TRERF1: variants seen among roughly 807,000 people sequenced by gnomAD.
TRERF1 encodes the protein transcriptional regulating factor 1, also known as transcriptional-regulating factor 1.
A neutral mutation model predicts 122.9 loss-of-function variants in TRERF1; 27 were observed. That is an observed-to-expected ratio of 0.22 (90% CI 0.16 to 0.30). The LOEUF (loss-of-function observed/expected upper bound fraction) is 0.30. Ranked by LOEUF, TRERF1 falls within the 10% of genes least tolerant of loss-of-function variation. The probability of loss-of-function intolerance (pLI) is 1.00; values close to 1 mark genes in which losing one functional copy is unlikely to be tolerated. For missense variants in TRERF1, 1,248 were observed against 1,560.3 expected (o/e 0.80, Z 3.37); for synonymous variants, 636 against 641.7 (o/e 0.99, Z 0.13).
At chr6:42,358,536 C>T (rs373375148) in intron 3 of TRERF1, among the ~76,000 whole-genome samples, 2 of 152,186 alleles carry the variant, frequency 1.3e-5, no homozygotes, top group African/African-American at 4.8e-5. Context: ...CGGGGCAGTG[C>T]CCACCCTCCC....
chr6:42,349,665 A>G (rs1769021989), intron 3 of TRERF1, among the ~76,000 whole-genome samples: 1 of 152,140 alleles, frequency 6.6e-6, no homozygotes, highest in Non-Finnish European at 1.5e-5. Context: ...TTTGCTTCCT[A>G]TCTTCTAAGA....
chr6:42,375,901 TG>T (rs1377545395), intron 2 of TRERF1, among the ~76,000 whole-genome samples: 2 of 152,054 alleles, frequency 1.3e-5, no homozygotes, highest in Admixed American at 1.3e-4. Context: ...TTGTCTCAAA[TG>T]GGGCCCCCTT....
chr6:42,321,948 TAG>T (rs1763532397), intron 3 of TRERF1, among the ~76,000 whole-genome samples: 1 of 152,206 alleles, frequency 6.6e-6, no homozygotes, highest in Non-Finnish European at 1.5e-5. Context: ...GATCAACCTG[TAG>T]ATAAAGCATA....
At chr6:42,233,715 G>A (rs1293937878) in intron 16 of TRERF1, among the ~76,000 whole-genome samples, 1 of 152,140 alleles carries the variant, frequency 6.6e-6, no homozygotes, top group Admixed American at 6.5e-5. Flanking sequence ...CAAGTTAAAA[G>A]CAGAGGTGCT....
intron 2 of TRERF1, among the ~76,000 whole-genome samples, chr6:42,397,103 C>G (rs1450952362): frequency 1.3e-5 from 2 of 152,198 alleles, no homozygotes; most frequent in Non-Finnish European, 2.9e-5. Flanking sequence ...CTAAGATTAA[C>G]TGATCTGCAG....
intron 3 of TRERF1, among the ~76,000 whole-genome samples, chr6:42,361,703 T>G (rs1352590719): frequency 6.6e-6 from 1 of 152,194 alleles, no homozygotes; most frequent in East Asian, 1.9e-4. Context: ...GAAACGTCCT[T>G]ATAATCCAAG....
At chr6:42,243,787 A>G (rs1173206430) in intron 14 of TRERF1, among the ~76,000 whole-genome samples, 6 of 151,006 alleles carry the variant, frequency 4.0e-5, no homozygotes, top group East Asian at 2.0e-4. Context: ...TCATTGTGTT[A>G]GCCAGGATGG....
intron 10 of TRERF1, 83 bp downstream of exon 10, chr6:42,258,052 T>C (rs1392539091): frequency 4.1e-6 from 5 of 1,207,110 alleles, no homozygotes; most frequent in Admixed American, 4.1e-5. Flanking sequence ...TCTCTCAGTG[T>C]AATCCTCTGA....
chr6:42,401,175 T>C (rs1321871282), intron 2 of TRERF1, among the ~76,000 whole-genome samples: 1 of 152,064 alleles, frequency 6.6e-6, no homozygotes, highest in East Asian at 1.9e-4. Flanking sequence ...AATACCTCAG[T>C]GGAGAGGCAG....
chr6:42,431,267 T>C (rs185008430), intron 2 of TRERF1, among the ~76,000 whole-genome samples: 23 of 151,476 alleles, frequency 1.5e-4, no homozygotes, highest in African/African-American at 5.6e-4. Context: ...TAGCAATTAA[T>C]AGAAAGGAGG....
chr6:42,444,480 C>T (rs1787116084), intron 2 of TRERF1, among the ~76,000 whole-genome samples: 1 of 152,118 alleles, frequency 6.6e-6, no homozygotes, highest in South Asian at 2.1e-4. Context: ...GCCCAAACTC[C>T]TTCCCAGGGA....
chr6:42,436,809 AAAAAAATATATAT>A (rs1785457228), intron 2 of TRERF1, among the ~76,000 whole-genome samples: 1 of 117,062 alleles, frequency 8.5e-6, no homozygotes, highest in South Asian at 3.3e-4. Context: ...ACAAAAAAAA[AAAAAAATATATAT>A]ATATATATAT....
At chr6:42,260,223 C>T (rs1777578626) in intron 8 of TRERF1, among the ~76,000 whole-genome samples, 1 of 151,996 alleles carries the variant, frequency 6.6e-6, no homozygotes, top group Non-Finnish European at 1.5e-5. Flanking sequence ...CAGCGACCCA[C>T]ACCGGGCTCT....
intron 17 of TRERF1, among the ~76,000 whole-genome samples, chr6:42,229,288 C>T (rs1273042184): frequency 1.3e-5 from 2 of 152,184 alleles, no homozygotes; most frequent in Non-Finnish European, 2.9e-5. Flanking sequence ...CAGGTACATA[C>T]CACCATGCCT....
intron 2 of TRERF1, among the ~76,000 whole-genome samples, chr6:42,377,963 G>A (rs1775207420): frequency 6.6e-6 from 1 of 152,140 alleles, no homozygotes; most frequent in South Asian, 2.1e-4. Flanking sequence ...AAGTCTTAAT[G>A]ATTTTTAATC....
At chr6:42,302,672 G>A (rs532583089) in intron 3 of TRERF1, among the ~76,000 whole-genome samples, 1 of 152,274 alleles carries the variant, frequency 6.6e-6, no homozygotes, top group East Asian at 1.9e-4. Context: ...TCTGAATGTT[G>A]GCAAAGGGAA....
At chr6:42,391,944 G>C (rs1777807394) in intron 2 of TRERF1, among the ~76,000 whole-genome samples, 1 of 152,202 alleles carries the variant, frequency 6.6e-6, no homozygotes, top group Non-Finnish European at 1.5e-5. Flanking sequence ...GCCAGGGTCA[G>C]GCTGGGCTGT....
At chr6:42,405,334 C>G (rs559702500) in intron 2 of TRERF1, among the ~76,000 whole-genome samples, 6 of 152,270 alleles carry the variant, frequency 3.9e-5, no homozygotes, top group African/African-American at 1.4e-4. Flanking sequence ...GGGATGGAGA[C>G]AGAATTTGAA....
At chr6:42,362,160 C>A (rs962746958) in intron 3 of TRERF1, among the ~76,000 whole-genome samples, 1 of 152,192 alleles carries the variant, frequency 6.6e-6, no homozygotes, top group Admixed American at 6.5e-5. Flanking sequence ...TCTTCAATTA[C>A]CCCATTTGCA....
Sources: allele counts gnomAD v4.1 joint callset (sites outside exome capture counted in the v4.1 genomes callset), GRCh38; gene constraint gnomAD v4.1.1; transcripts MANE v1.5; gene names NCBI Gene and HGNC (gene_info 2026-07-23, HGNC 2026-07-21).